The following CHST11 variants were observed in gnomAD, a reference collection of about 807,000 sequenced individuals.
CHST11 encodes the protein C4S-1.
In CHST11, 9 loss-of-function variants were observed where a neutral mutation model predicts 30.4. The observed-to-expected ratio is 0.30, with a 90% CI of 0.18 to 0.52. CHST11 has a LOEUF of 0.52. CHST11 is among the 20% of genes least tolerant of loss of function. CHST11 has a pLI of 0.97. For synonymous variants in CHST11, 152 were observed against 187.8 expected, an observed-to-expected ratio of 0.81 and a Z score of 1.56; for missense variants, 348 against 460.6, an observed-to-expected ratio of 0.76 and a Z score of 2.24.
intron 1 of CHST11, among the ~76,000 whole-genome samples, chr12:104,588,180 C>T (rs1212195367): frequency 6.6e-6 from 1 of 151,992 alleles, no homozygotes; most frequent in African/African-American, 2.4e-5. Context: ...TACAGCATCC[C>T]CGCAGTCTAA....
intron 1 of CHST11, among the ~76,000 whole-genome samples, chr12:104,537,512 A>G (rs919876653): frequency 6.6e-6 from 1 of 152,194 alleles, no homozygotes; most frequent in African/African-American, 2.4e-5. Flanking sequence ...ACCAACCCAC[A>G]CCACTCACAA....
chr12:104,509,818 A>T (rs984296995), intron 1 of CHST11, among the ~76,000 whole-genome samples: 2 of 152,234 alleles, frequency 1.3e-5, no homozygotes, highest in African/African-American at 4.8e-5. Flanking sequence ...ATTTAAGGTA[A>T]CATGAACTTC....
At position 104,637,302 on chromosome 12, in the gene CHST11, T is replaced by TAAAAAAAAAAAA. The variant is rs10622882; in HGVS notation, c.204+35333_204+35344dup. Among the ~76,000 whole-genome samples, 152 of 62,568 alleles carry TAAAAAAAAAAAA rather than the reference T, an allele frequency of 2.4e-3. 4 individuals carry two copies. The highest frequency in any genetic ancestry group is 0.01 in the Middle Eastern group (1 of 100). The allele number at this position is 62,568 out of a possible 152,430, so 41.0% of individuals were successfully genotyped here. On this transcript the variant is annotated intron_variant, in intron 2 of 2. Transcript: ENST00000303694. ...CCTGGGCCATGGGAGTGAGACCCTG[T>TAAAAAAAAAAAA]AAAAAAAAAAAAAAAAAAAAAAAAA...
chr12:104,579,682 C>T (rs2038720613), intron 1 of CHST11, among the ~76,000 whole-genome samples: 1 of 152,206 alleles, frequency 6.6e-6, no homozygotes, highest in Non-Finnish European at 1.5e-5. Flanking sequence ...GGGTGTATTC[C>T]TCAGCAGCCC....
intron 1 of CHST11, among the ~76,000 whole-genome samples, chr12:104,504,627 G>A (rs536436235): frequency 6.6e-6 from 1 of 152,308 alleles, no homozygotes; most frequent in African/African-American, 2.4e-5. Flanking sequence ...CTAAAAGCCT[G>A]TTCATGGCCT....
At chr12:104,648,065 A>G (rs2039452277) in intron 2 of CHST11, among the ~76,000 whole-genome samples, 1 of 152,182 alleles carries the variant, frequency 6.6e-6, no homozygotes, top group African/African-American at 2.4e-5. Context: ...ACATAGGTCA[A>G]TCTATTGTGT....
chr12:104,561,297 C>G (rs1226021454), intron 1 of CHST11, among the ~76,000 whole-genome samples: 2 of 152,208 alleles, frequency 1.3e-5, no homozygotes, highest in Non-Finnish European at 2.9e-5. Context: ...GTTCTGCCCC[C>G]ACACTGAGGG....
chr12:104,547,030 A>G (rs1181507911), intron 1 of CHST11, among the ~76,000 whole-genome samples: 1 of 152,244 alleles, frequency 6.6e-6, no homozygotes, highest in Admixed American at 6.5e-5. Context: ...AAAAATTATC[A>G]GTAATAAAGC....
intron 2 of CHST11, among the ~76,000 whole-genome samples, chr12:104,695,538 T>C (rs1175100157): frequency 6.6e-6 from 1 of 152,014 alleles, no homozygotes; most frequent in Non-Finnish European, 1.5e-5. Context: ...TGCAAAGCCA[T>C]GGAAACATAA....
At chr12:104,508,383 C>T (rs1212851482) in intron 1 of CHST11, among the ~76,000 whole-genome samples, 1 of 152,068 alleles carries the variant, frequency 6.6e-6, no homozygotes, top group Admixed American at 6.6e-5. Context: ...CCAGGGTTGT[C>T]GTGTGGATTA....
rs993933403 is a variant in CHST11, at chr12:104,457,645, GGCTCCTGGCTGCCCAGA to G, written c.118+134_118+150del. 2.0e-4 allele frequency: 157 copies of G among 788,892 alleles called. 1 individual carries two copies. In the East Asian group the frequency reaches 3.6e-3, roughly 18 times the overall value. 48.9% of individuals were successfully genotyped at this position (788,892 alleles called of 1,614,324 possible). ...ACCTCTCCGCCTTCGGCCTCTTCGG[GGCTCCTGGCTGCCCAGA>G]GCTCCTGGCTGCCCAGATCTACCCG... On this transcript the variant is annotated intron_variant, in intron 1 of 2. Transcript: ENST00000303694.
intron 1 of CHST11, among the ~76,000 whole-genome samples, chr12:104,544,705 T>TAAAA (rs755404934): frequency 2.1e-5 from 2 of 93,182 alleles, no homozygotes; most frequent in Admixed American, 1.4e-4. Context: ...AGACTTGGTC[T>TAAAA]AAAAAAAAAA....
intron 2 of CHST11, among the ~76,000 whole-genome samples, chr12:104,606,356 G>A (rs188909750): frequency 1.3e-5 from 2 of 152,044 alleles, no homozygotes; most frequent in East Asian, 3.9e-4. Context: ...GGAGAAGGAA[G>A]GTCGGAAGGA....
At chr12:104,490,777 G>A (rs921843086) in intron 1 of CHST11, among the ~76,000 whole-genome samples, 10 of 152,178 alleles carry the variant, frequency 6.6e-5, no homozygotes, top group African/African-American at 1.9e-4. Flanking sequence ...AGCGTGGCAC[G>A]TTTTAGTATG....
At chr12:104,688,851 G>T (rs2136106343) in intron 2 of CHST11, among the ~76,000 whole-genome samples, 1 of 152,312 alleles carries the variant, frequency 6.6e-6, no homozygotes, top group Non-Finnish European at 1.5e-5. Context: ...TACTGGGCAT[G>T]GTGATGAGCC....
rs114206776 is a variant in CHST11, at chr12:104,730,683, T to C, written c.205-26266T>C. ...GACATTCCAGGTGGAGGGAATGGCA[T>C]ATGAAAAGTCCCAGTCCAGGATATA... On this transcript the variant is annotated intron_variant, in intron 2 of 2. Transcript: ENST00000303694. Among the ~76,000 whole-genome samples, 338 of 152,312 alleles carry C rather than the reference T, an allele frequency of 2.2e-3. 1 individual carries two copies. The highest frequency in any genetic ancestry group is 7.8e-3 in the African/African-American group (326 of 41,566).
intron 1 of CHST11, among the ~76,000 whole-genome samples, chr12:104,588,271 C>T (rs536624936): frequency 1.1e-3 from 164 of 152,300 alleles, no homozygotes; most frequent in African/African-American, 3.6e-3. Flanking sequence ...TGGCCTTAGG[C>T]AATTGCTGGT....
intron 2 of CHST11, among the ~76,000 whole-genome samples, chr12:104,722,762 C>G (rs2040188061): frequency 6.6e-6 from 1 of 151,974 alleles, no homozygotes; most frequent in African/African-American, 2.4e-5. Flanking sequence ...CTGCTGATAC[C>G]TGGGGGGAGG....
chr12:104,625,341 G>A (rs1273255180), intron 2 of CHST11, among the ~76,000 whole-genome samples: 1 of 152,136 alleles, frequency 6.6e-6, no homozygotes, highest in Non-Finnish European at 1.5e-5. Context: ...TTTCGCTCTT[G>A]TCGCCCAGGC....
Sources: gnomAD v4.1 joint callset for allele counts (sites outside exome capture counted in the v4.1 genomes callset) on GRCh38, gnomAD v4.1.1 for gene constraint, MANE v1.5 for transcripts, NCBI Gene and HGNC (gene_info 2026-07-23, HGNC 2026-07-21) for gene names.